The following ZFR variants were observed in gnomAD, a reference collection of about 807,000 sequenced individuals.
ZFR encodes zinc finger RNA binding protein, also known as zinc finger RNA-binding protein.
In ZFR, 19 loss-of-function variants were observed where a neutral mutation model predicts 130.7. The observed-to-expected ratio is 0.15, with a 90% CI of 0.10 to 0.21. The LOEUF (loss-of-function observed/expected upper bound fraction) is 0.21, where lower values mean the gene tolerates loss of function less well. ZFR is among the 10% of genes least tolerant of loss of function. ZFR has a pLI of 1.00. For synonymous variants in ZFR, 466 were observed against 456.9 expected, an observed-to-expected ratio of 1.02 and a Z score of -0.25; for missense variants, 872 against 1,321.5, an observed-to-expected ratio of 0.66 and a Z score of 5.27.
chr5:32,359,391 G>A (rs1752382018), intron 19 of ZFR, among the ~76,000 whole-genome samples: 1 of 151,370 alleles, frequency 6.6e-6, no homozygotes, highest in Non-Finnish European at 1.5e-5. Context: ...CTTTCAATGT[G>A]GCCCAGGGAA....
intron 17 of ZFR, among the ~76,000 whole-genome samples, chr5:32,369,517 A>C (rs1446239210): frequency 2.0e-5 from 3 of 151,956 alleles, no homozygotes; most frequent in African/African-American, 7.3e-5. Flanking sequence ...AAACAAAACA[A>C]AAAACTGGTC....
At chr5:32,430,079 CA>C (rs56163955) in intron 2 of ZFR, among the ~76,000 whole-genome samples, 4,272 of 70,162 alleles carry the variant, frequency 0.061, 57 homozygotes, top group Middle Eastern at 0.11. Flanking sequence ...GACCCTATTT[CA>C]AAAAAAAAAA....
intron 2 of ZFR, among the ~76,000 whole-genome samples, chr5:32,426,484 C>T (rs896410792): frequency 1.3e-5 from 2 of 152,194 alleles, no homozygotes; most frequent in East Asian, 3.9e-4. Flanking sequence ...ACCTCACACT[C>T]GATGACACAC....
At chr5:32,412,703 A>G (rs1753737897) in intron 5 of ZFR, among the ~76,000 whole-genome samples, 1 of 152,234 alleles carries the variant, frequency 6.6e-6, no homozygotes, top group South Asian at 2.1e-4. Flanking sequence ...TTCAGGGCAA[A>G]GTACCATGTC....
At chr5:32,408,940 G>A (rs147881769) in intron 5 of ZFR, among the ~76,000 whole-genome samples, 2 of 152,296 alleles carry the variant, frequency 1.3e-5, no homozygotes, top group African/African-American at 4.8e-5. Flanking sequence ...TCCTGGATAT[G>A]TCTGGTTTTC....
intron 17 of ZFR, among the ~76,000 whole-genome samples, chr5:32,371,839 T>A (rs1382004107): frequency 6.7e-6 from 1 of 150,124 alleles, no homozygotes; most frequent in Non-Finnish European, 1.5e-5. Context: ...AAAGGTAAGA[T>A]CTTCCAAAGG....
At chr5:32,396,797 G>A (rs1041580277) in intron 10 of ZFR, among the ~76,000 whole-genome samples, 10 of 152,116 alleles carry the variant, frequency 6.6e-5, no homozygotes, top group Middle Eastern at 3.4e-3. Flanking sequence ...CATTTGAAGT[G>A]TATTCAGTGA....
chr5:32,443,806 T>C (rs2111886658), intron 2 of ZFR, among the ~76,000 whole-genome samples: 1 of 152,296 alleles, frequency 6.6e-6, no homozygotes, highest in South Asian at 2.1e-4. Context: ...GCACTCCCCG[T>C]GAGGTCCCTT....
chr5:32,427,848 G>C (rs1329340413), intron 2 of ZFR, among the ~76,000 whole-genome samples: 2 of 152,190 alleles, frequency 1.3e-5, no homozygotes, highest in Non-Finnish European at 2.9e-5. Context: ...TTTTGACAAG[G>C]ATGCCAAGAC....
intron 19 of ZFR, among the ~76,000 whole-genome samples, chr5:32,358,386 C>A (rs550872116): frequency 6.6e-6 from 1 of 152,114 alleles, no homozygotes; most frequent in African/African-American, 2.4e-5. Flanking sequence ...TAAGGCCGGG[C>A]GCGGTGGCGC....
chr5:32,431,101 G>GA (rs1754203704), intron 2 of ZFR, among the ~76,000 whole-genome samples: 1 of 152,022 alleles, frequency 6.6e-6, no homozygotes, highest in South Asian at 2.1e-4. Context: ...AGGAAAACCT[G>GA]TTTTTTTAGA....
intron 6 of ZFR, among the ~76,000 whole-genome samples, chr5:32,404,368 T>C (rs1205829511): frequency 6.6e-6 from 1 of 152,248 alleles, no homozygotes; most frequent in Admixed American, 6.5e-5. Context: ...TTAAAAATTT[T>C]ATCTTTTGTT....
rs188914949 is a variant in ZFR, at chr5:32,369,651, A to T, written c.2836-5376T>A. The stretch of plus-strand genomic sequence containing the variant: ...TGAGACCTTATCTCTACAAAAAATT[A>T]AAAAAAAAAATGTAACCAGGCATGG... On this transcript the variant is annotated intron_variant, in intron 17 of 19. Transcript: ENST00000265069. Among the ~76,000 whole-genome samples, 411 of 143,108 alleles carry T rather than the reference A, an allele frequency of 2.9e-3. 1 individual carries two copies. The highest frequency in any genetic ancestry group is 4.4e-3 in the Non-Finnish European group (277 of 63,134). 93.9% of individuals were successfully genotyped at this position (143,108 alleles called of 152,430 possible). A position where few individuals can be genotyped will look rare whatever the true frequency, so the allele number is the denominator to read the frequency against.
intron 5 of ZFR, among the ~76,000 whole-genome samples, chr5:32,408,567 T>A (rs182588796): frequency 6.6e-6 from 1 of 152,330 alleles, no homozygotes; most frequent in African/African-American, 2.4e-5. Flanking sequence ...TGGACAATTT[T>A]ATGGCATTTC....
intron 3 of ZFR, 116 bp downstream of exon 3, chr5:32,419,705 G>A: frequency 6.8e-7 from 1 of 1,478,068 alleles, no homozygotes; most frequent in Non-Finnish European, 8.9e-7. Context: ...TTCTCTATCA[G>A]TACATGTGTA....
At chr5:32,421,270 CCA>C (rs970191854) in intron 2 of ZFR, among the ~76,000 whole-genome samples, 3 of 151,988 alleles carry the variant, frequency 2.0e-5, no homozygotes, top group Non-Finnish European at 2.9e-5. Flanking sequence ...TTTTAGCTGA[CCA>C]CATTTTAGTA....
At chr5:32,410,311 G>GAAAAA (rs1753675357) in intron 5 of ZFR, among the ~76,000 whole-genome samples, 1 of 102,130 alleles carries the variant, frequency 9.8e-6, no homozygotes, top group Non-Finnish European at 2.0e-5. Flanking sequence ...AAAAAAAAAT[G>GAAAAA]TACTTTCATT....
At chr5:32,398,364 T>C (rs373366765) in intron 9 of ZFR, among the ~76,000 whole-genome samples, 17 of 152,240 alleles carry the variant, frequency 1.1e-4, no homozygotes, top group African/African-American at 4.1e-4. Context: ...TTATGGAAAA[T>C]TAAGATGAAA....
chr5:32,444,609 A>T lies in ZFR; in HGVS notation c.37+13T>A. 1 of 1,492,552 alleles carries T rather than the reference A, an allele frequency of 6.7e-7. No individual in the cohort carries two copies. Among genetic ancestry groups the T allele is most frequent in the Admixed American group, 2.5e-5 (1 of 39,706 alleles). The allele number at this position is 1,492,552 out of a possible 1,614,324, so 92.5% of individuals were successfully genotyped here. Reference sequence around the variant, plus strand: ...GGGCCGGGCAGAGGCCTCGCGGGCCACATTAGACTCACCATAGGTGAAAGA... The same window carrying T: ...GGGCCGGGCAGAGGCCTCGCGGGCCTCATTAGACTCACCATAGGTGAAAGA... On this transcript the variant is annotated intron_variant, in intron 1 of 19. Transcript: ENST00000265069.
Sources: gnomAD v4.1 joint callset for allele counts (sites outside exome capture counted in the v4.1 genomes callset) on GRCh38, gnomAD v4.1.1 for gene constraint, MANE v1.5 for transcripts, NCBI Gene and HGNC (gene_info 2026-07-23, HGNC 2026-07-21) for gene names.